The following GABRG3 variants were observed in gnomAD, a reference collection of about 807,000 sequenced individuals.
GABRG3 encodes the protein gamma-aminobutyric acid type A receptor subunit gamma3, also known as gamma-aminobutyric acid receptor subunit gamma-3.
In GABRG3, 25 loss-of-function variants were observed where a neutral mutation model predicts 48.8. The ratio of observed to expected loss-of-function variants is 0.51; its 90% CI spans 0.37 to 0.72. The LOEUF (loss-of-function observed/expected upper bound fraction) is 0.72, where lower values mean the gene tolerates loss of function less well. GABRG3 is among the 30% of genes least tolerant of loss of function. GABRG3 has a pLI of 0.00. For missense variants in GABRG3, 394 were observed against 577.9 expected, an observed-to-expected ratio of 0.68 and a Z score of 3.26; for synonymous variants, 227 against 217.6, an observed-to-expected ratio of 1.04 and a Z score of -0.38.
At chr15:27,531,920 C>T (rs1381178048) in intron 9 of GABRG3, among the ~76,000 whole-genome samples, 1 of 152,168 alleles carries the variant, frequency 6.6e-6, no homozygotes, top group African/African-American at 2.4e-5. Context: ...TAGGTGGGCA[C>T]ATTTTTGGTT....
intron 5 of GABRG3, among the ~76,000 whole-genome samples, chr15:27,413,933 A>G (rs1887870015): frequency 6.6e-6 from 1 of 152,214 alleles, no homozygotes; most frequent in Non-Finnish European, 1.5e-5. Flanking sequence ...TCTACTAGGC[A>G]TCTGTTAGGT....
At chr15:27,472,970 C>T (rs1889830737) in intron 5 of GABRG3, among the ~76,000 whole-genome samples, 1 of 152,016 alleles carries the variant, frequency 6.6e-6, no homozygotes, top group Admixed American at 6.5e-5. Context: ...TGCGTAAATC[C>T]TATTAGATCA....
intron 5 of GABRG3, among the ~76,000 whole-genome samples, chr15:27,381,714 G>A (rs9744634): frequency 0.35 from 53,598 of 152,028 alleles, 9,885 homozygotes; most frequent in East Asian, 0.48. Flanking sequence ...TTCAAGCTCC[G>A]TATATGCCAG....
chr15:27,045,334 G>A (rs770076101), intron 3 of GABRG3, among the ~76,000 whole-genome samples: 6 of 152,176 alleles, frequency 3.9e-5, no homozygotes, highest in African/African-American at 9.7e-5. Flanking sequence ...AGCACACCCC[G>A]AAACTCACAT....
Position 27,538,919 on chromosome 15 carries a change from A to G in GABRG3, c.*6038A>G, listed in dbSNP as rs1891606808. ...GTGTTTCTTAGGTATCTAAGGATACATGAGCGAGCCCACAGCACAATTATT... is the reference window on the plus strand; with the variant it reads ...GTGTTTCTTAGGTATCTAAGGATACGTGAGCGAGCCCACAGCACAATTATT... On this transcript the variant is annotated 3_prime_UTR_variant, in exon 10 of 10. Transcript: ENST00000615808. The G allele has an allele frequency of 6.6e-6, 1 of 152,234 alleles. No individual in the cohort carries two copies. Among genetic ancestry groups the G allele is most frequent in the African/African-American group, 2.4e-5 (1 of 41,468 alleles). 9.4% of individuals were successfully genotyped at this position (152,234 alleles called of 1,614,324 possible).
At chr15:27,186,484 G>A (rs556508720) in intron 3 of GABRG3, among the ~76,000 whole-genome samples, 3 of 152,200 alleles carry the variant, frequency 2.0e-5, no homozygotes, top group South Asian at 2.1e-4. Context: ...TGGGTGCATC[G>A]TATGTCTTTT....
intron 3 of GABRG3, among the ~76,000 whole-genome samples, chr15:27,076,426 C>T (rs1052247702): frequency 2.0e-5 from 3 of 149,680 alleles, no homozygotes; most frequent in Admixed American, 1.4e-4. Context: ...TGGGTTCAAG[C>T]GATTCTCCTG....
intron 3 of GABRG3, among the ~76,000 whole-genome samples, chr15:27,123,422 A>C (rs1273413926): frequency 2.0e-5 from 3 of 151,968 alleles, no homozygotes; most frequent in African/African-American, 4.8e-5. Context: ...GCCTGTGGGA[A>C]CTCACTCACT....
chr15:27,082,457 CAAAA>C (rs1290516305), intron 3 of GABRG3, among the ~76,000 whole-genome samples: 1 of 151,742 alleles, frequency 6.6e-6, no homozygotes, highest in Non-Finnish European at 1.5e-5. Flanking sequence ...CATAATAAGA[CAAAA>C]AAAATTCTGC....
At chr15:27,216,738 T>TA (rs1379589139) in intron 3 of GABRG3, among the ~76,000 whole-genome samples, 14 of 129,976 alleles carry the variant, frequency 1.1e-4, no homozygotes, top group East Asian at 5.1e-4. Flanking sequence ...CATTTCTTTT[T>TA]TTTTTTTTAT....
At chr15:27,412,552 C>T (rs562680035) in intron 5 of GABRG3, among the ~76,000 whole-genome samples, 7 of 152,232 alleles carry the variant, frequency 4.6e-5, no homozygotes, top group South Asian at 4.1e-4. Context: ...GTCATCCATT[C>T]GCAGAACATA....
At chr15:27,068,609 A>G (rs1015764267) in intron 3 of GABRG3, among the ~76,000 whole-genome samples, 5 of 152,356 alleles carry the variant, frequency 3.3e-5, no homozygotes, top group East Asian at 1.9e-4. Context: ...CATTTTCACA[A>G]AACAGTCAAT....
rs375453692 is a variant in GABRG3 at position 27,353,335 on chromosome 15, TGGGCATGCCTGCCTCA to T, written c.574+24450_574+24465del. On this transcript the variant is annotated intron_variant, in intron 5 of 9. Transcript: ENST00000615808. ...GGGCGCATGTGTGTCCTACACTTGC[TGGGCATGCCTGCCTCA>T]GGACCCTGCAGCAGCTCTTCTCTTA... Among the ~76,000 whole-genome samples, 11 of 152,316 alleles carry T rather than the reference TGGGCATGCCTGCCTCA, an allele frequency of 7.2e-5. No individual in the cohort carries two copies. In the East Asian group the frequency reaches 2.1e-3, roughly 29 times the overall value.
intron 3 of GABRG3, among the ~76,000 whole-genome samples, chr15:27,281,698 TTATAA>T (rs918008607): frequency 2.7e-4 from 41 of 151,922 alleles, no homozygotes; most frequent in Admixed American, 1.6e-3. Context: ...TTCCTTTCTT[TTATAA>T]TATGTTTGTC....
At chr15:27,069,312 G>T (rs568666001) in intron 3 of GABRG3, among the ~76,000 whole-genome samples, 62 of 152,310 alleles carry the variant, frequency 4.1e-4, no homozygotes, top group African/African-American at 1.5e-3. Context: ...AGTGGAGGGA[G>T]CACTGGACAT....
intron 4 of GABRG3, among the ~76,000 whole-genome samples, chr15:27,328,224 C>T (rs1893686008): frequency 1.3e-5 from 2 of 152,080 alleles, no homozygotes; most frequent in Non-Finnish European, 1.5e-5. Flanking sequence ...GTTGTAAAGC[C>T]ATACACCGGA....
chr15:27,103,789 G>A (rs1268797675), intron 3 of GABRG3, among the ~76,000 whole-genome samples: 1 of 152,082 alleles, frequency 6.6e-6, no homozygotes. Flanking sequence ...AACTCTTGAG[G>A]TTCTCTCTCA....
chr15:27,308,196 ATGTT>A (rs1385927129), intron 3 of GABRG3, among the ~76,000 whole-genome samples: 29,173 of 60,548 alleles, frequency 0.48, 11,377 homozygotes, highest in Non-Finnish European at 0.6. Flanking sequence ...ATATATAAAC[ATGTT>A]TATATATCCA....
intron 2 of GABRG3, among the ~76,000 whole-genome samples, chr15:27,017,986 G>T (rs1895810480): frequency 6.6e-6 from 1 of 152,172 alleles, no homozygotes; most frequent in Non-Finnish European, 1.5e-5. Context: ...CATCTGCTCT[G>T]AACTCACAGC....
Sources: gnomAD v4.1 joint callset for allele counts (sites outside exome capture counted in the v4.1 genomes callset) on GRCh38, gnomAD v4.1.1 for gene constraint, MANE v1.5 for transcripts, NCBI Gene and HGNC (gene_info 2026-07-23, HGNC 2026-07-21) for gene names.